FOXO3: variants seen among roughly 807,000 people sequenced by gnomAD.
FOXO3 encodes forkhead box protein O3.
In FOXO3, 4 loss-of-function variants were observed where a neutral mutation model predicts 41.9. The ratio of observed to expected loss-of-function variants is 0.10; its 90% CI spans 0.05 to 0.22. The LOEUF is 0.22. FOXO3 is among the 10% of genes least tolerant of loss of function. The probability of loss-of-function intolerance (pLI) is 1.00; values close to 1 mark genes in which losing one functional copy is unlikely to be tolerated. For missense variants in FOXO3, 534 were observed against 906.8 expected, an observed-to-expected ratio of 0.59 and a Z score of 5.28; for synonymous variants, 318 against 389.3, an observed-to-expected ratio of 0.82 and a Z score of 2.16.
chr6:108,611,320 A>G (rs913141462), intron 1 of FOXO3, among the ~76,000 whole-genome samples: 7 of 152,204 alleles, frequency 4.6e-5, no homozygotes, highest in African/African-American at 1.4e-4. Flanking sequence ...TAAAACTGCT[A>G]TTAATATCTA....
chr6:108,621,546 T>G (rs545536142), intron 1 of FOXO3, among the ~76,000 whole-genome samples: 17 of 152,236 alleles, frequency 1.1e-4, no homozygotes, highest in Middle Eastern at 3.4e-3. Context: ...TTAGTGTTTT[T>G]TTTTGTTTTG....
At chr6:108,653,510 A>T (rs1183710326) in intron 1 of FOXO3, among the ~76,000 whole-genome samples, 1 of 152,040 alleles carries the variant, frequency 6.6e-6, no homozygotes, top group Non-Finnish European at 1.5e-5. Flanking sequence ...AGCTGATTGG[A>T]TTCAGGTGTG....
chr6:108,621,395 A>G (rs1390457589), intron 1 of FOXO3, among the ~76,000 whole-genome samples: 1 of 152,188 alleles, frequency 6.6e-6, no homozygotes, highest in African/African-American at 2.4e-5. Context: ...CTTCTTGGTC[A>G]TTCTTAAGGC....
At chr6:108,654,665 G>A (rs180810512) in intron 1 of FOXO3, among the ~76,000 whole-genome samples, 2 of 152,134 alleles carry the variant, frequency 1.3e-5, no homozygotes, top group Admixed American at 1.3e-4. Flanking sequence ...CAGTTTAACG[G>A]GAAATCTTGT....
chr6:108,605,489 T>G (rs751825662), intron 1 of FOXO3, among the ~76,000 whole-genome samples: 6 of 152,232 alleles, frequency 3.9e-5, no homozygotes, highest in African/African-American at 7.2e-5. Flanking sequence ...ACTATGTGTC[T>G]GACACTACTG....
At chr6:108,606,752 C>T (rs933573264) in intron 1 of FOXO3, among the ~76,000 whole-genome samples, 2 of 152,206 alleles carry the variant, frequency 1.3e-5, no homozygotes, top group Non-Finnish European at 2.9e-5. Flanking sequence ...ATATTTTGAT[C>T]ACCTTTAGCA....
intron 1 of FOXO3, among the ~76,000 whole-genome samples, chr6:108,568,223 T>G (rs1373395442): frequency 1.3e-5 from 2 of 151,648 alleles, no homozygotes; most frequent in African/African-American, 4.8e-5. Context: ...CTCTTTTTTT[T>G]TTTTTTTTAA....
chr6:108,577,071 G>A (rs890824592), intron 1 of FOXO3, among the ~76,000 whole-genome samples: 7 of 151,592 alleles, frequency 4.6e-5, no homozygotes, highest in African/African-American at 1.5e-4. Flanking sequence ...TTCTTTCCCC[G>A]TTTAAAAAAA....
chr6:108,579,182 C>G (rs1202014829), intron 1 of FOXO3, among the ~76,000 whole-genome samples: 1 of 152,168 alleles, frequency 6.6e-6, no homozygotes, highest in Non-Finnish European at 1.5e-5. Flanking sequence ...ACAGTTCATT[C>G]TGCTGTTAGT....
intron 1 of FOXO3, among the ~76,000 whole-genome samples, chr6:108,570,923 C>G (rs1197816092): frequency 6.6e-6 from 1 of 152,098 alleles, no homozygotes; most frequent in East Asian, 1.9e-4. Context: ...TTCTAAGACC[C>G]ATGATTTACT....
intron 1 of FOXO3, among the ~76,000 whole-genome samples, chr6:108,648,144 G>C (rs1165037127): frequency 6.6e-6 from 1 of 152,158 alleles, no homozygotes; most frequent in Non-Finnish European, 1.5e-5. Flanking sequence ...AAGAACTGAG[G>C]AGAAATGTTT....
At chr6:108,672,858 T>C (rs2128390885) in intron 2 of FOXO3, among the ~76,000 whole-genome samples, 1 of 151,440 alleles carries the variant, frequency 6.6e-6, no homozygotes, top group African/African-American at 2.4e-5. Flanking sequence ...TTTTGTTTCC[T>C]TTTTTTTTAA....
At chr6:108,640,820 G>C (rs1280024359) in intron 1 of FOXO3, among the ~76,000 whole-genome samples, 1 of 152,146 alleles carries the variant, frequency 6.6e-6, no homozygotes, top group African/African-American at 2.4e-5. Context: ...TTCATTCATA[G>C]TTCATTCAAC....
intron 2 of FOXO3, among the ~76,000 whole-genome samples, chr6:108,669,511 T>A (rs956129342): frequency 2.0e-5 from 3 of 152,204 alleles, no homozygotes; most frequent in Admixed American, 6.5e-5. Context: ...TTCTGCTATT[T>A]GTACCTATGA....
chr6:108,622,141 C>G (rs1777685598), intron 1 of FOXO3, among the ~76,000 whole-genome samples: 1 of 151,916 alleles, frequency 6.6e-6, no homozygotes, highest in Non-Finnish European at 1.5e-5. Flanking sequence ...TGCCTGTCAT[C>G]CCAGCCACTT....
At chr6:108,562,757 G>A (rs1311147848) in intron 1 of FOXO3, among the ~76,000 whole-genome samples, 1 of 152,210 alleles carries the variant, frequency 6.6e-6, no homozygotes, top group African/African-American at 2.4e-5. Context: ...CACGGGACAC[G>A]TGGTAGGGAG....
chr6:108,649,515 CTTTTT>C (rs886836999), intron 1 of FOXO3, among the ~76,000 whole-genome samples: 1 of 95,206 alleles, frequency 1.1e-5, no homozygotes, highest in Non-Finnish European at 2.1e-5. Flanking sequence ...CCACCCTCAG[CTTTTT>C]TTTTTTTTTT....
rs535731651 is a variant in FOXO3, at chr6:108,579,218, A to G, written c.621+17389A>G. 6.6e-5 allele frequency among the ~76,000 whole-genome samples: 10 copies of G among 152,324 alleles called. No individual in the cohort carries two copies. In the South Asian group the frequency reaches 1.7e-3, roughly 25 times the overall value. ...GGCATTCCTTTTCGTACATGAAGCC[A>G]TATCCAAGATGATATGGCTTGAGTG... On this transcript the variant is annotated intron_variant, in intron 1 of 2. Coordinates refer to ENST00000406360, the MANE Select transcript of FOXO3 (RefSeq NM_001455.4).
At chr6:108,668,703 C>A (rs1186499148) in intron 2 of FOXO3, among the ~76,000 whole-genome samples, 1 of 152,186 alleles carries the variant, frequency 6.6e-6, no homozygotes, top group East Asian at 1.9e-4. Flanking sequence ...AGCAAAAGCC[C>A]AGATGGAGAG....
Sources: allele counts gnomAD v4.1 joint callset (sites outside exome capture counted in the v4.1 genomes callset), GRCh38; gene constraint gnomAD v4.1.1; transcripts MANE v1.5; gene names NCBI Gene and HGNC (gene_info 2026-07-23, HGNC 2026-07-21).